The following TENM1 variants were observed in gnomAD, a reference collection of about 807,000 sequenced individuals.
TENM1 encodes teneurin transmembrane protein 1, also known as teneurin-1.
TENM1 carries 35 observed loss-of-function variants against 174.8 expected under a neutral mutation model. The ratio of observed to expected loss-of-function variants is 0.20; its 90% confidence interval spans 0.15 to 0.27. The LOEUF (loss-of-function observed/expected upper bound fraction) is 0.27. Ranked by LOEUF, TENM1 falls within the 10% of genes least tolerant of loss-of-function variation. TENM1 has a pLI of 1.00. For missense variants in TENM1, 1,633 were observed against 2,130.1 expected (o/e 0.77, Z 4.59); for synonymous variants, 781 against 798.7 (o/e 0.98, Z 0.37).
At chrX:124,854,028 G>C (rs2056770127) in intron 3 of TENM1, among the ~76,000 whole-genome samples, 1 of 110,304 alleles carries the variant, frequency 9.1e-6, no homozygotes, top group African/African-American at 3.3e-5. Context: ...GATGAGACCA[G>C]AAGTGATTCA....
intron 3 of TENM1, 100 bp from the exon 7 acceptor site, chrX:124,737,297 A>G: frequency 1.0e-6 from 1 of 964,137 alleles, no homozygotes; most frequent in Non-Finnish European, 1.4e-6. Flanking sequence ...CAGATAATAA[A>G]ACCTGTGGGG....
intron 23 of TENM1, among the ~76,000 whole-genome samples, chrX:124,444,472 T>C (rs1271996464): frequency 1.8e-5 from 2 of 112,238 alleles, no homozygotes; most frequent in African/African-American, 6.5e-5. Context: ...CCTTTATTTC[T>C]TTAGCATTTT....
chrX:124,771,175 T>C (rs1380757177), intron 3 of TENM1, among the ~76,000 whole-genome samples: 1 of 112,695 alleles, frequency 8.9e-6, no homozygotes, highest in Non-Finnish European at 1.9e-5. Flanking sequence ...AAACAATGTG[T>C]TATTAATTAA....
At chrX:125,120,207 A>G in the TENM1 span, among the ~76,000 whole-genome samples, 43 of 98,862 alleles carry the variant, frequency 4.3e-4, no homozygotes, top group African/African-American at 2.2e-3. Flanking sequence ...AACATTTCCT[A>G]TTTTTTTTAC....
chrX:124,517,235 C>T (rs1401560717), intron 18 of TENM1, among the ~76,000 whole-genome samples: 1 of 110,813 alleles, frequency 9.0e-6, no homozygotes, highest in Non-Finnish European at 1.9e-5. Context: ...ACAATCTGTA[C>T]AACAAACCCT....
intron 16 of TENM1, 51 bp from the exon 20 acceptor site, chrX:124,523,676 T>A (rs757340945): frequency 3.5e-6 from 4 of 1,150,764 alleles, no homozygotes; most frequent in South Asian, 2.0e-5. Context: ...AATTAAAAAA[T>A]TACAGTTAAA....
At position 124,698,799 on chromosome X, in the gene TENM1, T is replaced by C. The variant is rs1030934713; in HGVS notation, c.1015+6214A>G. ...GGTATTGCAATATATTTGTATTTAT[T>C]AAAACATACTATGCTTTTCAACCTT... On this transcript the variant is annotated intron_variant, in intron 5 of 31. Transcript: ENST00000422452. Among the ~76,000 whole-genome samples, 4 of 111,602 alleles carry C rather than the reference T, an allele frequency of 3.6e-5. No individual in the cohort carries two copies. In the Admixed American group the frequency reaches 3.8e-4, roughly 11 times the overall value.
At chrX:124,846,294 T>C (rs1008786638) in intron 3 of TENM1, among the ~76,000 whole-genome samples, 1 of 110,786 alleles carries the variant, frequency 9.0e-6, no homozygotes, top group African/African-American at 3.3e-5. Context: ...TATTTCCCAA[T>C]AAACTTGACT....
In TENM1 at chrX:124,563,151, T is replaced by C. The variant is rs143598549; in HGVS notation, c.2287+598A>G. Reference sequence around the variant, plus strand: ...GAAATAAAGAATAATTTGGGACATATTAAACTTCTGAAGCTGAGGTAATGA... The same window carrying C: ...GAAATAAAGAATAATTTGGGACATACTAAACTTCTGAAGCTGAGGTAATGA... On this transcript the variant is annotated intron_variant, in intron 13 of 31. Transcript: ENST00000422452. 3.8e-3 allele frequency among the ~76,000 whole-genome samples: 420 copies of C among 110,384 alleles called. 1 individual carries two copies. Among genetic ancestry groups the C allele is most frequent in the African/African-American group, 0.013 (395 of 30,456 alleles).
chrX:124,893,199 T>C (rs756340369), intron 3 of TENM1, among the ~76,000 whole-genome samples: 3 of 112,132 alleles, frequency 2.7e-5, no homozygotes, highest in African/African-American at 6.5e-5. Flanking sequence ...ATACTCCTTA[T>C]TGAAAATATT....
chrX:125,028,692 A>C, the TENM1 span, among the ~76,000 whole-genome samples: 4,979 of 112,090 alleles, frequency 0.044, 262 homozygotes, highest in African/African-American at 0.15. Flanking sequence ...AAGTTAAAAA[A>C]AATATTCATA....
chrX:125,164,108 A>C, the TENM1 span, among the ~76,000 whole-genome samples: 1 of 111,841 alleles, frequency 8.9e-6, no homozygotes, highest in South Asian at 3.7e-4. Flanking sequence ...ATTCAATCAA[A>C]CTGGTTGTTT....
intron 3 of TENM1, 106 bp from the exon 7 acceptor site, chrX:124,737,303 T>C (rs2053698048): frequency 1.1e-6 from 1 of 919,295 alleles, no homozygotes; most frequent in Non-Finnish European, 1.5e-6. Context: ...ATAAAACCTG[T>C]GGGGTGAGGG....
At chrX:124,579,405 A>G (rs926111188) in intron 11 of TENM1, among the ~76,000 whole-genome samples, 4 of 110,734 alleles carry the variant, frequency 3.6e-5, no homozygotes, top group Non-Finnish European at 5.7e-5. Flanking sequence ...GGGCTCTACA[A>G]TGTTTTCCCT....
At chrX:124,581,380 T>C (rs1420269245) in intron 11 of TENM1, among the ~76,000 whole-genome samples, 1 of 111,372 alleles carries the variant, frequency 9.0e-6, no homozygotes, top group Non-Finnish European at 1.9e-5. Flanking sequence ...AGTTCTTTTT[T>C]TATGGCTACA....
chrX:124,775,843 T>G (rs2054771649), intron 3 of TENM1, among the ~76,000 whole-genome samples: 1 of 111,456 alleles, frequency 9.0e-6, no homozygotes, highest in Non-Finnish European at 1.9e-5. Context: ...ACATGCTGAT[T>G]TTTAAAACAC....
At chrX:124,407,295 T>G (rs2060474593) in intron 25 of TENM1, among the ~76,000 whole-genome samples, 1 of 110,956 alleles carries the variant, frequency 9.0e-6, no homozygotes. Context: ...CCTGAAGGCT[T>G]TTGATGTGGA....
At chrX:124,397,610 G>GTTTTT (rs2060350433) in intron 27 of TENM1, among the ~76,000 whole-genome samples, 1 of 110,699 alleles carries the variant, frequency 9.0e-6, no homozygotes, top group Admixed American at 9.5e-5. Flanking sequence ...TTTTGTTTTT[G>GTTTTT]TTTTTGAGAC....
intron 3 of TENM1, among the ~76,000 whole-genome samples, chrX:124,882,962 T>C (rs1026599674): frequency 2.7e-5 from 3 of 112,213 alleles, no homozygotes; most frequent in African/African-American, 9.7e-5. Flanking sequence ...TAGAGATCTT[T>C]CACCTCCTTG....
Sources: gnomAD v4.1 joint callset for allele counts (sites outside exome capture counted in the v4.1 genomes callset) on GRCh38, gnomAD v4.1.1 for gene constraint, MANE v1.5 for transcripts, NCBI Gene and HGNC (gene_info 2026-07-23, HGNC 2026-07-21) for gene names.